Variants in RBFOX1 observed in about 807,000 individuals in gnomAD.
RBFOX1 encodes the protein RNA binding protein fox-1 homolog 1.
RBFOX1 carries 8 observed loss-of-function variants against 57.7 expected under a neutral mutation model. That is an observed-to-expected ratio of 0.14 (90% CI 0.08 to 0.25). RBFOX1 has a LOEUF of 0.25. RBFOX1 is among the 10% of genes least tolerant of loss of function. The pLI is 1.00. For missense variants in RBFOX1, 611 were observed against 548.5 expected, an observed-to-expected ratio of 1.11 and a Z score of -1.14; for synonymous variants, 326 against 222.4, an observed-to-expected ratio of 1.47 and a Z score of -4.15.
intron 2 of RBFOX1, among the ~76,000 whole-genome samples, chr16:6,492,036 G>A (rs771669444): frequency 7.9e-5 from 12 of 152,254 alleles, no homozygotes; most frequent in Admixed American, 3.3e-4. Context: ...CATATAGACT[G>A]AGTAGTAATG....
At chr16:5,964,044 A>G (rs530805950) in intron 4 of RBFOX1, among the ~76,000 whole-genome samples, 75 of 152,304 alleles carry the variant, frequency 4.9e-4, no homozygotes, top group African/African-American at 1.8e-3. Flanking sequence ...AAAAAGTAGT[A>G]CAACTCAGTA....
chr16:7,038,854 G>T (rs1187359990), intron 3 of RBFOX1, among the ~76,000 whole-genome samples: 1 of 152,176 alleles, frequency 6.6e-6, no homozygotes, highest in East Asian at 1.9e-4. Flanking sequence ...AGTGTGAAAA[G>T]CACTTCCTCC....
intron 2 of RBFOX1, among the ~76,000 whole-genome samples, chr16:6,486,898 G>C (rs981103251): frequency 6.6e-6 from 1 of 152,024 alleles, no homozygotes; most frequent in Non-Finnish European, 1.5e-5. Flanking sequence ...TTAAATCATA[G>C]ATAATCAGAA....
chr16:6,200,994 G>A (rs748134179), intron 1 of RBFOX1, among the ~76,000 whole-genome samples: 1 of 150,904 alleles, frequency 6.6e-6, no homozygotes, highest in Non-Finnish European at 1.5e-5. Flanking sequence ...TGTGAAATCC[G>A]CATTATGCTC....
At chr16:7,689,962 C>T (rs1315266584) in intron 14 of RBFOX1, among the ~76,000 whole-genome samples, 2 of 152,026 alleles carry the variant, frequency 1.3e-5, no homozygotes, top group South Asian at 4.1e-4. Flanking sequence ...AGCTAGGTTG[C>T]CCTGGAGGCA....
intron 2 of RBFOX1, among the ~76,000 whole-genome samples, chr16:6,358,348 C>T (rs1337286250): frequency 6.6e-6 from 1 of 152,204 alleles, no homozygotes; most frequent in Non-Finnish European, 1.5e-5. Context: ...TAACATTTCA[C>T]ATTTTACCTT....
chr16:6,969,132 T>C (rs1010031412), intron 3 of RBFOX1, among the ~76,000 whole-genome samples: 6 of 152,170 alleles, frequency 3.9e-5, no homozygotes, highest in Admixed American at 6.5e-5. Context: ...TGTGAACTTA[T>C]TCAGTCCACT....
chr16:6,967,753 G>A (rs1305330540), intron 3 of RBFOX1, among the ~76,000 whole-genome samples: 1 of 152,108 alleles, frequency 6.6e-6, no homozygotes, highest in Non-Finnish European at 1.5e-5. Flanking sequence ...ATCTGCCCGT[G>A]CAGCTGTGGG....
At chr16:5,598,874 T>G in intron 2 of RBFOX1, 3 of 1,470,928 alleles carry the variant, frequency 2.0e-6, no homozygotes, top group Non-Finnish European at 2.7e-6. Context: ...TCCCCAACCT[T>G]TTTCTCTATT....
At chr16:5,677,932 T>C (rs2050215476) in intron 3 of RBFOX1, among the ~76,000 whole-genome samples, 1 of 152,152 alleles carries the variant, frequency 6.6e-6, no homozygotes, top group African/African-American at 2.4e-5. Context: ...AGCTTTGCTT[T>C]TATTCCATGA....
chr16:7,401,172 A>T (rs962290341), intron 4 of RBFOX1, among the ~76,000 whole-genome samples: 1 of 152,246 alleles, frequency 6.6e-6, no homozygotes, highest in South Asian at 2.1e-4. Context: ...TTTTTAAAAA[A>T]TGTATCTTCA....
intron 4 of RBFOX1, among the ~76,000 whole-genome samples, chr16:7,469,549 A>G (rs1219329005): frequency 6.6e-6 from 1 of 152,172 alleles, no homozygotes. Flanking sequence ...AAAATAATGC[A>G]TATTTTATTT....
chr16:6,707,991 G>A (rs1779234499), intron 3 of RBFOX1, among the ~76,000 whole-genome samples: 1 of 152,114 alleles, frequency 6.6e-6, no homozygotes, highest in Non-Finnish European at 1.5e-5. Flanking sequence ...TAGACATCAG[G>A]TAGTGCTGTG....
intron 3 of RBFOX1, among the ~76,000 whole-genome samples, chr16:5,824,313 C>G (rs1159962552): frequency 6.6e-6 from 1 of 152,220 alleles, no homozygotes; most frequent in African/African-American, 2.4e-5. Flanking sequence ...GGCTGCCTCC[C>G]TCTTTTTTGG....
chr16:5,661,659 C>G (rs912676960), intron 3 of RBFOX1, among the ~76,000 whole-genome samples: 1 of 152,216 alleles, frequency 6.6e-6, no homozygotes, highest in African/African-American at 2.4e-5. Flanking sequence ...TTGGTCCTCA[C>G]CCGTAGTTAG....
At chr16:7,045,692 T>A (rs1256459832) in intron 3 of RBFOX1, among the ~76,000 whole-genome samples, 1 of 152,132 alleles carries the variant, frequency 6.6e-6, no homozygotes, top group Non-Finnish European at 1.5e-5. Context: ...TCTCGCTTTG[T>A]TGCCCAGGCT....
rs950322961 is a variant in RBFOX1 at position 7,555,372 on chromosome 16, G to A, written c.271-24405G>A. Reference sequence around the variant, plus strand: ...TGTGGAAATTTCAGTAAAATCCATGGTTTAGTTAATAGACACCAGTGTTAC... The same window carrying A: ...TGTGGAAATTTCAGTAAAATCCATGATTTAGTTAATAGACACCAGTGTTAC... On this transcript the variant is annotated intron_variant, in intron 5 of 15. Coordinates refer to ENST00000550418, the MANE Select transcript of RBFOX1 (RefSeq NM_018723.4). Among the ~76,000 whole-genome samples, 10 of 152,116 alleles carry A rather than the reference G, an allele frequency of 6.6e-5. No homozygotes were observed. In the East Asian group the frequency reaches 9.6e-4, roughly 15 times the overall value.
rs542201380 is a variant in RBFOX1, at chr16:7,474,509, C to T, written c.28-43638C>T. ...GCAGTGACCCCAGTGACCTGGTGAACAGCCAACTATTTAGGTTGGTGCAAA... is the reference window on the plus strand; with the variant it reads ...GCAGTGACCCCAGTGACCTGGTGAATAGCCAACTATTTAGGTTGGTGCAAA... On this transcript the variant is annotated intron_variant, in intron 4 of 15. Transcript: ENST00000550418. Among the ~76,000 whole-genome samples the T allele has an allele frequency of 2.6e-5, 4 of 152,338 alleles. No homozygotes were observed. The South Asian group carries it at 8.3e-4, about 32-fold the overall frequency.
intron 4 of RBFOX1, among the ~76,000 whole-genome samples, chr16:7,415,248 A>G (rs2098467121): frequency 6.6e-6 from 1 of 152,190 alleles, no homozygotes; most frequent in Non-Finnish European, 1.5e-5. Flanking sequence ...AGGTTTTCTC[A>G]GATGATGCAT....
Sources: allele counts gnomAD v4.1 joint callset (sites outside exome capture counted in the v4.1 genomes callset), GRCh38; gene constraint gnomAD v4.1.1; transcripts MANE v1.5; gene names NCBI Gene and HGNC (gene_info 2026-07-23, HGNC 2026-07-21).